KCNH1: variants seen among roughly 807,000 people sequenced by gnomAD.
The protein encoded by KCNH1 is potassium voltage-gated channel subfamily H member 1, also known as voltage-gated delayed rectifier potassium channel KCNH1.
Under a neutral mutation model 69.2 loss-of-function variants are expected in KCNH1, and 27 were observed. The observed-to-expected ratio is 0.39, with a 90% confidence interval of 0.29 to 0.54. The LOEUF (loss-of-function observed/expected upper bound fraction) is 0.54, where lower values mean the gene tolerates loss of function less well. Ranked by LOEUF, KCNH1 falls within the 20% of genes least tolerant of loss-of-function variation. The pLI is 0.68. For synonymous variants in KCNH1, 456 were observed against 487.7 expected, an observed-to-expected ratio of 0.93 and a Z score of 0.86; for missense variants, 798 against 1,261.6, an observed-to-expected ratio of 0.63 and a Z score of 5.57.
At position 210,678,909 on chromosome 1, in the gene KCNH1, C is replaced by G. The variant is rs1371047224; in HGVS notation, c.*4372G>C. The stretch of plus-strand genomic sequence containing the variant: ...AAAGTTTAATGGCAGGCAGGGAGGG[C>G]ACCCACCAGTCTGGCACCTGCAGGG... On this transcript the variant is annotated 3_prime_UTR_variant, in exon 11 of 11. Transcript: ENST00000271751. 6.6e-6 allele frequency: 1 copy of G among 152,166 alleles called. No individual in the cohort carries two copies. The highest frequency in any genetic ancestry group is 1.5e-5 in the Non-Finnish European group (1 of 68,042). The allele number at this position is 152,166 out of a possible 1,614,324, so 9.4% of individuals were successfully genotyped here. A position where few individuals can be genotyped will look rare whatever the true frequency, so the allele number is the denominator to read the frequency against.
intron 6 of KCNH1, among the ~76,000 whole-genome samples, chr1:210,932,389 T>A (rs1574345911): frequency 6.6e-6 from 1 of 151,686 alleles, no homozygotes; most frequent in Non-Finnish European, 1.5e-5. Context: ...GAAAAAGAAA[T>A]TAAACCTTGT....
intron 7 of KCNH1, among the ~76,000 whole-genome samples, chr1:210,806,033 G>T (rs1357500836): frequency 6.6e-6 from 1 of 152,130 alleles, no homozygotes; most frequent in Non-Finnish European, 1.5e-5. Flanking sequence ...AAACATTCAT[G>T]TGCAAGTTTT....
At chr1:211,002,714 C>T (rs150232429) in intron 6 of KCNH1, among the ~76,000 whole-genome samples, 1,561 of 152,080 alleles carry the variant, frequency 0.01, 12 homozygotes, top group Middle Eastern at 0.034. Context: ...AGTAATTAGC[C>T]AAACTGAAGA....
intron 1 of KCNH1, among the ~76,000 whole-genome samples, chr1:211,117,481 G>A (rs867153561): frequency 2.0e-5 from 3 of 152,096 alleles, no homozygotes; most frequent in South Asian, 4.1e-4. Flanking sequence ...TGAAAAGTCC[G>A]GCCATGCTAC....
chr1:211,124,648 A>G (rs1188463926), intron 1 of KCNH1, among the ~76,000 whole-genome samples: 1 of 152,162 alleles, frequency 6.6e-6, no homozygotes, highest in East Asian at 1.9e-4. Context: ...GAGAGAGACC[A>G]CTTTATCCAA....
At chr1:210,728,827 C>G (rs535480113) in intron 10 of KCNH1, among the ~76,000 whole-genome samples, 1 of 152,366 alleles carries the variant, frequency 6.6e-6, no homozygotes, top group South Asian at 2.1e-4. Context: ...ATAGGGCCAG[C>G]AAATGTCTTG....
intron 6 of KCNH1, among the ~76,000 whole-genome samples, chr1:210,974,241 T>A (rs943231886): frequency 6.6e-6 from 1 of 152,178 alleles, no homozygotes; most frequent in Non-Finnish European, 1.5e-5. Flanking sequence ...AAATGGGTGT[T>A]GGATTTTATT....
intron 10 of KCNH1, among the ~76,000 whole-genome samples, chr1:210,774,567 A>G (rs923901259): frequency 2.8e-4 from 43 of 152,184 alleles, no homozygotes; most frequent in African/African-American, 1.0e-3. Flanking sequence ...CATTTTAGGA[A>G]AGATTCCTAT....
chr1:211,028,312 A>G (rs1295459284), intron 5 of KCNH1, among the ~76,000 whole-genome samples: 1 of 152,098 alleles, frequency 6.6e-6, no homozygotes, highest in African/African-American at 2.4e-5. Flanking sequence ...CTGTTAAAGT[A>G]CTACAAAAAG....
chr1:210,863,364 C>T (rs1435171927), intron 7 of KCNH1, among the ~76,000 whole-genome samples: 1 of 152,144 alleles, frequency 6.6e-6, no homozygotes, highest in Non-Finnish European at 1.5e-5. Context: ...CAGAAAAGGC[C>T]TTATCCAAAA....
chr1:210,718,618 A>G (rs938120014), intron 10 of KCNH1, among the ~76,000 whole-genome samples: 1 of 71,636 alleles, frequency 1.4e-5, no homozygotes, highest in African/African-American at 5.2e-5. Flanking sequence ...AATTATATGT[A>G]TGTGTGTATA....
intron 7 of KCNH1, among the ~76,000 whole-genome samples, chr1:210,813,739 A>G (rs1684756884): frequency 6.6e-6 from 1 of 152,232 alleles, no homozygotes; most frequent in African/African-American, 2.4e-5. Context: ...ATGGGTAGTG[A>G]TATGGTTTGG....
In KCNH1 at chr1:211,114,598, A is replaced by G. The variant is rs186638459; in HGVS notation, c.80-7221T>C. On this transcript the variant is annotated intron_variant, in intron 1 of 10. Transcript: ENST00000271751. ...CCAGTACGAGGACACTATGACAGCA[A>G]CTTTGCTTAGCCAAGGTTTCTTAAT... Among the ~76,000 whole-genome samples the G allele has an allele frequency of 3.9e-5, 6 of 152,324 alleles. No homozygotes were observed. In the East Asian group the frequency reaches 7.7e-4, roughly 20 times the overall value.
chr1:211,033,514 C>T (rs1209650350), intron 5 of KCNH1, among the ~76,000 whole-genome samples: 1 of 152,102 alleles, frequency 6.6e-6, no homozygotes, highest in East Asian at 1.9e-4. Context: ...GGAACCAACC[C>T]AAATGTCCAT....
intron 10 of KCNH1, among the ~76,000 whole-genome samples, chr1:210,721,845 G>C (rs1204437774): frequency 6.6e-6 from 1 of 152,078 alleles, no homozygotes; most frequent in Admixed American, 6.6e-5. Context: ...AAAAGAAAGA[G>C]GCTGTCAGAA....
chr1:211,035,236 C>CTTT lies in KCNH1; in HGVS notation c.559-15983_559-15981dup, dbSNP rs765170558. Among the ~76,000 whole-genome samples, 89 of 75,056 alleles carry CTTT rather than the reference C, an allele frequency of 1.2e-3. 4 individuals carry two copies. The highest frequency in any genetic ancestry group is 3.2e-3 in the African/African-American group (56 of 17,682). 49.2% of individuals were successfully genotyped at this position (75,056 alleles called of 152,430 possible). A position where few individuals can be genotyped will look rare whatever the true frequency, so the allele number is the denominator to read the frequency against. On this transcript the variant is annotated intron_variant, in intron 5 of 10. Transcript: ENST00000271751. ...ATTTAAACCATAGGGTACTGGCATTCTTTTTTTTTTTTTTTTTTTTTTTTT... is the reference window on the plus strand; with the variant it reads ...ATTTAAACCATAGGGTACTGGCATTCTTTTTTTTTTTTTTTTTTTTTTTTTTTT...
intron 6 of KCNH1, among the ~76,000 whole-genome samples, chr1:210,942,671 G>A (rs1028791281): frequency 2.0e-5 from 3 of 152,000 alleles, no homozygotes; most frequent in Non-Finnish European, 2.9e-5. Flanking sequence ...CTAAACAGCT[G>A]TGTAACTTCA....
chr1:210,977,857 C>A (rs1558550380), intron 6 of KCNH1, among the ~76,000 whole-genome samples: 1 of 152,010 alleles, frequency 6.6e-6, no homozygotes, highest in Admixed American at 6.6e-5. Context: ...GTGTAATGAT[C>A]AAATCAGGGT....
intron 6 of KCNH1, among the ~76,000 whole-genome samples, chr1:210,925,829 T>G (rs778671241): frequency 1.3e-5 from 2 of 152,190 alleles, no homozygotes; most frequent in Non-Finnish European, 2.9e-5. Context: ...CTTGGGAGCC[T>G]ATTGCACTGC....
Sources: gnomAD v4.1 joint callset for allele counts (sites outside exome capture counted in the v4.1 genomes callset) on GRCh38, gnomAD v4.1.1 for gene constraint, MANE v1.5 for transcripts, NCBI Gene and HGNC (gene_info 2026-07-23, HGNC 2026-07-21) for gene names.